The following LYAR variants were observed in gnomAD, a reference collection of about 807,000 sequenced individuals.
The protein encoded by LYAR is cell growth-regulating nucleolar protein.
Under a neutral mutation model 45.2 loss-of-function variants are expected in LYAR, and 37 were observed. That is an observed-to-expected ratio of 0.82 (90% CI 0.63 to 1.08). The LOEUF is 1.08. Among genes scored for constraint, LYAR ranks in the 50% least tolerant of loss-of-function variants. LYAR has a pLI of 0.00. For missense variants in LYAR, 493 were observed against 451.0 expected (o/e 1.09, Z -0.84); for synonymous variants, 176 against 155.1 (o/e 1.14, Z -1.00).
At chr4:4,282,226 A>C (rs1230197892) in intron 3 of LYAR, among the ~76,000 whole-genome samples, 2 of 152,234 alleles carry the variant, frequency 1.3e-5, no homozygotes, top group Non-Finnish European at 2.9e-5. Context: ...GCAATAGGGT[A>C]GTTTTTTTAA....
intron 3 of LYAR, among the ~76,000 whole-genome samples, chr4:4,282,635 G>C (rs960129507): frequency 6.6e-6 from 1 of 152,160 alleles, no homozygotes; most frequent in South Asian, 2.1e-4. Flanking sequence ...CCAGCTTCTC[G>C]CCTGGACCTT....
rs771522111 is a variant in LYAR, at chr4:4,279,764, G to A, written c.238-15C>T. 10 of 1,491,572 alleles carry A rather than the reference G, an allele frequency of 6.7e-6. No individual in the cohort carries two copies. In the Admixed American group the frequency reaches 7.6e-5, roughly 11 times the overall value. The allele number at this position is 1,491,572 out of a possible 1,614,324, so 92.4% of individuals were successfully genotyped here. A position where few individuals can be genotyped will look rare whatever the true frequency, so the allele number is the denominator to read the frequency against. On this transcript the variant is annotated splice_polypyrimidine_tract_variant and intron_variant, in intron 4 of 9. Coordinates refer to ENST00000343470, the MANE Select transcript of LYAR (RefSeq NM_017816.3). ...TCACTAATTTTCTACAAAAAGGGAA[G>A]AAAAAAGAAAAACTATTAATAAACA...
chr4:4,270,155 A>T (rs1718875299), intron 8 of LYAR, among the ~76,000 whole-genome samples: 1 of 151,968 alleles, frequency 6.6e-6, no homozygotes, highest in Non-Finnish European at 1.5e-5. Context: ...GTGAGTCATG[A>T]TCACACCAAT....
chr4:4,276,520 G>A (rs1463689399), intron 6 of LYAR, among the ~76,000 whole-genome samples: 1 of 149,166 alleles, frequency 6.7e-6, no homozygotes, highest in Non-Finnish European at 1.5e-5. Context: ...TCCAGCCTGG[G>A]TGACAAGAAT....
intron 8 of LYAR, among the ~76,000 whole-genome samples, chr4:4,269,356 C>G (rs1053611704): frequency 1.3e-5 from 2 of 152,212 alleles, no homozygotes; most frequent in South Asian, 4.1e-4. Context: ...TGCAGCCACA[C>G]ATCACAGAAA....
chr4:4,287,928 G>C (rs2108854379), intron 1 of LYAR, among the ~76,000 whole-genome samples: 1 of 152,348 alleles, frequency 6.6e-6, no homozygotes. Context: ...AGCAAAGCTA[G>C]CTGAGGGGCA....
At chr4:4,279,616 C>A in intron 5 of LYAR, 26 bp downstream of exon 5, 1 of 1,583,626 alleles carries the variant, frequency 6.3e-7, no homozygotes, top group Non-Finnish European at 8.7e-7. Flanking sequence ...ACACGGCCCC[C>A]TCCATTCAAG....
intron 4 of LYAR, among the ~76,000 whole-genome samples, chr4:4,280,542 T>C (rs977053828): frequency 6.6e-6 from 1 of 152,198 alleles, no homozygotes; most frequent in African/African-American, 2.4e-5. Context: ...AAAGCTGTAA[T>C]AAGTTTCTGT....
chr4:4,287,025 C>T (rs774725172), intron 1 of LYAR, among the ~76,000 whole-genome samples: 1 of 152,180 alleles, frequency 6.6e-6, no homozygotes, highest in Non-Finnish European at 1.5e-5. Context: ...CTTAAAACTG[C>T]ATTAAGATTT....
chr4:4,287,474 A>G (rs1321048340), intron 1 of LYAR, among the ~76,000 whole-genome samples: 2 of 152,230 alleles, frequency 1.3e-5, no homozygotes, highest in African/African-American at 2.4e-5. Context: ...CATACCCATG[A>G]AAAAGATGAC....
chr4:4,268,214 T>C (rs1718790853), intron 9 of LYAR, among the ~76,000 whole-genome samples, 191 bp from the exon 10 acceptor site: 1 of 152,194 alleles, frequency 6.6e-6, no homozygotes, highest in Non-Finnish European at 1.5e-5. Flanking sequence ...TGAGTCATCC[T>C]GAGAAACAAA....
chr4:4,281,649 A>C, intron 4 of LYAR, 134 bp downstream of exon 4: 1 of 681,490 alleles, frequency 1.5e-6, no homozygotes, highest in Non-Finnish European at 2.6e-6. Context: ...GTTTTAGTTC[A>C]ACCTGTCTAT....
chr4:4,279,778 T>C (rs1422189425), intron 4 of LYAR, 29 bp from the exon 5 acceptor site: 1 of 1,409,142 alleles, frequency 7.1e-7, no homozygotes, highest in East Asian at 2.3e-5. Context: ...AAAGAAAAAC[T>C]ATTAATAAAC....
rs372429553 is a variant in LYAR at position 4,273,680 on chromosome 4, G to T, written c.833-11C>A. On this transcript the variant is annotated splice_polypyrimidine_tract_variant and intron_variant, in intron 7 of 9. Transcript: ENST00000343470. Reference sequence around the variant, plus strand: ...TAGAATCTGTTTCAACTAAGTATTTGGAAAGATTTTTTTTAAAGAAGATTT... The same window carrying T: ...TAGAATCTGTTTCAACTAAGTATTTTGAAAGATTTTTTTTAAAGAAGATTT... 9 of 1,564,758 alleles carry T rather than the reference G, an allele frequency of 5.8e-6. No individual in the cohort carries two copies. Among genetic ancestry groups the T allele is most frequent in the Non-Finnish European group, 7.9e-6 (9 of 1,140,472 alleles).
intron 6 of LYAR, 81 bp downstream of exon 6, chr4:4,279,366 C>G (rs1156340753): frequency 3.0e-6 from 3 of 984,466 alleles, no homozygotes; most frequent in Non-Finnish European, 4.7e-6. Flanking sequence ...GCTGCCTTGA[C>G]TTCCAAAAAT....
At chr4:4,273,734 T>A in intron 7 of LYAR, 65 bp from the exon 8 acceptor site, 2 of 898,446 alleles carry the variant, frequency 2.2e-6, no homozygotes, top group South Asian at 2.8e-5. Context: ...TACCATTTAA[T>A]GAGACCTTAT....
At chr4:4,286,469 G>A (rs1719615442) in intron 2 of LYAR, 50 bp downstream of exon 2, 1 of 151,948 alleles carries the variant, frequency 6.6e-6, no homozygotes, top group Non-Finnish European at 1.5e-5. Flanking sequence ...CCCTCTAATG[G>A]AAGACAGCAA....
intron 4 of LYAR, among the ~76,000 whole-genome samples, chr4:4,280,740 G>A (rs879794199): frequency 6.6e-6 from 1 of 152,158 alleles, no homozygotes; most frequent in Non-Finnish European, 1.5e-5. Context: ...TTCTCAATCT[G>A]CTCTAGTAAG....
chr4:4,278,446 A>C (rs1719275190), intron 6 of LYAR, among the ~76,000 whole-genome samples: 1 of 152,214 alleles, frequency 6.6e-6, no homozygotes, highest in South Asian at 2.1e-4. Context: ...GTCTCTATTC[A>C]ACCATTTTGA....
Sources: allele counts gnomAD v4.1 joint callset (sites outside exome capture counted in the v4.1 genomes callset), GRCh38; gene constraint gnomAD v4.1.1; transcripts MANE v1.5; gene names NCBI Gene and HGNC (gene_info 2026-07-23, HGNC 2026-07-21).